The following SYNPR variants were observed in gnomAD, a reference collection of about 807,000 sequenced individuals.
The protein encoded by SYNPR is synaptoporin.
In SYNPR, 23 loss-of-function variants were observed where a neutral mutation model predicts 32.9. That is an observed-to-expected ratio of 0.70 (90% confidence interval 0.50 to 0.99). The LOEUF (loss-of-function observed/expected upper bound fraction) is 0.99, where lower values mean the gene tolerates loss of function less well. Ranked by LOEUF, SYNPR falls within the 50% of genes least tolerant of loss-of-function variation. The probability of loss-of-function intolerance (pLI) is 0.00; values close to 1 mark genes in which losing one functional copy is unlikely to be tolerated. For synonymous variants in SYNPR, 146 were observed against 135.9 expected (o/e 1.07, Z -0.52); for missense variants, 318 against 349.3 (o/e 0.91, Z 0.71).
At chr3:63,582,783 A>C (rs1703114656) in intron 4 of SYNPR, among the ~76,000 whole-genome samples, 1 of 152,046 alleles carries the variant, frequency 6.6e-6, no homozygotes, top group African/African-American at 2.4e-5. Context: ...CGGTTCTACC[A>C]CTTACTAGCT....
intron 1 of SYNPR, among the ~76,000 whole-genome samples, chr3:63,229,056 A>T (rs973274739): frequency 6.6e-6 from 1 of 152,200 alleles, no homozygotes; most frequent in Admixed American, 6.6e-5. Flanking sequence ...AGTTTTTATT[A>T]TATCAAAAAG....
intron 1 of SYNPR, among the ~76,000 whole-genome samples, chr3:63,240,365 A>G (rs578241936): frequency 6.6e-6 from 1 of 152,256 alleles, no homozygotes; most frequent in African/African-American, 2.4e-5. Context: ...ATTCTAGGAA[A>G]AAAAGCAAAT....
chr3:63,495,429 G>C (rs1292213876), intron 3 of SYNPR, among the ~76,000 whole-genome samples: 16 of 152,178 alleles, frequency 1.1e-4, no homozygotes, highest in Admixed American at 9.8e-4. Flanking sequence ...TTAATGCTGT[G>C]ATATAAGAAG....
chr3:63,233,754 C>A (rs1202472728), intron 1 of SYNPR, among the ~76,000 whole-genome samples: 1 of 152,198 alleles, frequency 6.6e-6, no homozygotes, highest in African/African-American at 2.4e-5. Context: ...CCTATTCCAT[C>A]TCTATAAGCC....
At chr3:63,524,708 A>G (rs1478434082) in intron 3 of SYNPR, among the ~76,000 whole-genome samples, 1 of 152,136 alleles carries the variant, frequency 6.6e-6, no homozygotes, top group Non-Finnish European at 1.5e-5. Context: ...ACCATTCTGA[A>G]TGCCCAAGAA....
At chr3:63,361,224 C>T (rs1018952112) in intron 2 of SYNPR, among the ~76,000 whole-genome samples, 2 of 152,046 alleles carry the variant, frequency 1.3e-5, no homozygotes, top group African/African-American at 4.8e-5. Flanking sequence ...ATTACACCTG[C>T]AGGATGGTGT....
chr3:63,612,291 G>A (rs1700210284), intron 5 of SYNPR, among the ~76,000 whole-genome samples: 1 of 152,176 alleles, frequency 6.6e-6, no homozygotes, highest in Admixed American at 6.5e-5. Context: ...ACTGAAAATG[G>A]CTACTAAAAT....
chr3:63,240,515 C>G (rs1229352663), intron 1 of SYNPR, among the ~76,000 whole-genome samples: 1 of 151,976 alleles, frequency 6.6e-6, no homozygotes, highest in Non-Finnish European at 1.5e-5. Flanking sequence ...GGAGACCGGT[C>G]TTTTGTGTGG....
At chr3:63,255,713 C>T (rs375489657) in intron 2 of SYNPR, among the ~76,000 whole-genome samples, 2 of 152,084 alleles carry the variant, frequency 1.3e-5, no homozygotes, top group South Asian at 2.1e-4. Context: ...AACTGAGGTA[C>T]CAGGTTCATC....
intron 2 of SYNPR, among the ~76,000 whole-genome samples, chr3:63,440,254 G>A (rs1250464752): frequency 6.6e-6 from 1 of 152,148 alleles, no homozygotes; most frequent in African/African-American, 2.4e-5. Flanking sequence ...CTAGCGCAAA[G>A]GCATGGAAGG....
chr3:63,480,922 C>T lies in SYNPR; in HGVS notation c.175C>T (p.Leu59Phe), dbSNP rs1472735007. The T allele has an allele frequency of 1.9e-6, 3 of 1,613,206 alleles. No individual in the cohort carries two copies. Among genetic ancestry groups the T allele is most frequent in the Non-Finnish European group, 2.5e-6 (3 of 1,179,456 alleles). ...VDCVNKTESN[L>F]SIDIAFAYPF... The stretch of plus-strand genomic sequence containing the variant: ...CTGCGTCAACAAGACAGAAAGTAAC[C>T]TCAGCATCGACATAGCGTTTGCCTA... Residue 59 changes from leucine (L) to phenylalanine (F), a missense_variant, in exon 3 of 6, where the codon CTC (leucine) becomes TTC (phenylalanine). Leu to Phe is a conservative substitution (Grantham distance 22). Coordinates refer to ENST00000478300, the MANE Select transcript of SYNPR (RefSeq NM_001130003.2).
At chr3:63,467,919 G>C (rs1317687509) in intron 2 of SYNPR, among the ~76,000 whole-genome samples, 1 of 152,150 alleles carries the variant, frequency 6.6e-6, no homozygotes, top group South Asian at 2.1e-4. Context: ...GAATAATCAG[G>C]CTGGGCACGG....
At chr3:63,597,982 C>G (rs534161471) in intron 4 of SYNPR, among the ~76,000 whole-genome samples, 9 of 152,218 alleles carry the variant, frequency 5.9e-5, no homozygotes, top group African/African-American at 2.2e-4. Flanking sequence ...TTCTAAAATT[C>G]TTGGAGGCTG....
At chr3:63,390,608 T>G (rs2088120179) in intron 2 of SYNPR, among the ~76,000 whole-genome samples, 1 of 152,222 alleles carries the variant, frequency 6.6e-6, no homozygotes, top group Non-Finnish European at 1.5e-5. Flanking sequence ...TCCTGTTGTG[T>G]GAACTTGGGA....
intron 1 of SYNPR, among the ~76,000 whole-genome samples, chr3:63,245,859 A>C (rs2086283859): frequency 6.6e-6 from 1 of 151,886 alleles, no homozygotes; most frequent in Admixed American, 6.6e-5. Flanking sequence ...ATTTTCTAAC[A>C]ATGAACAGTC....
At chr3:63,292,360 G>A (rs1314001290) in intron 2 of SYNPR, among the ~76,000 whole-genome samples, 1 of 152,114 alleles carries the variant, frequency 6.6e-6, no homozygotes, top group Non-Finnish European at 1.5e-5. Context: ...TTTGTGTTGG[G>A]AACATTCAAA....
intron 2 of SYNPR, among the ~76,000 whole-genome samples, chr3:63,254,912 G>A (rs1351272888): frequency 2.6e-5 from 4 of 152,206 alleles, no homozygotes; most frequent in African/African-American, 9.6e-5. Context: ...GGAAGATCAT[G>A]TGAAGACACA....
At chr3:63,245,700 AGAGAGAGAGAGTGT>A (rs1195590612) in intron 1 of SYNPR, among the ~76,000 whole-genome samples, 3 of 76,464 alleles carry the variant, frequency 3.9e-5, no homozygotes, top group African/African-American at 2.3e-4. Context: ...AGAGAGAGAG[AGAGAGAGAGAGTGT>A]GTGTGTGTGT....
At chr3:63,313,720 T>TATATATATATCCATATATATATATCC (rs1396445675) in intron 2 of SYNPR, among the ~76,000 whole-genome samples, 1 of 51,086 alleles carries the variant, frequency 2.0e-5, no homozygotes, top group Non-Finnish European at 3.5e-5. Context: ...TATATATCCA[T>TATATATATATCCATATATATATATCC]ATATATATAT....
Sources: allele counts gnomAD v4.1 joint callset (sites outside exome capture counted in the v4.1 genomes callset), GRCh38; gene constraint gnomAD v4.1.1; transcripts MANE v1.5; gene names NCBI Gene and HGNC (gene_info 2026-07-23, HGNC 2026-07-21).